Variants in CNTN5 observed in about 807,000 individuals in gnomAD.
CNTN5 encodes the protein contactin 5, also known as contactin-5.
CNTN5 carries 77 observed loss-of-function variants against 129.1 expected under a neutral mutation model. The ratio of observed to expected loss-of-function variants is 0.60; its 90% CI spans 0.50 to 0.72. CNTN5 has a LOEUF of 0.72. CNTN5 is among the 30% of genes least tolerant of loss of function. CNTN5 has a pLI of 0.00. For missense variants in CNTN5, 1,478 were observed against 1,328.8 expected (o/e 1.11, Z -1.75); for synonymous variants, 509 against 465.6 (o/e 1.09, Z -1.20).
At chr11:99,125,706 G>A (rs1218926577) in intron 1 of CNTN5, among the ~76,000 whole-genome samples, 1 of 152,012 alleles carries the variant, frequency 6.6e-6, no homozygotes, top group Admixed American at 6.6e-5. Context: ...TGAAATTTTT[G>A]CTACAAAAAT....
chr11:99,610,242 G>T (rs767155589), intron 3 of CNTN5, among the ~76,000 whole-genome samples: 1 of 152,092 alleles, frequency 6.6e-6, no homozygotes, highest in South Asian at 2.1e-4. Context: ...GACTGTAGGG[G>T]TTCTATTAAT....
At chr11:99,679,620 TC>T (rs1370323702) in intron 3 of CNTN5, among the ~76,000 whole-genome samples, 3 of 152,170 alleles carry the variant, frequency 2.0e-5, no homozygotes, top group Non-Finnish European at 4.4e-5. Context: ...CCTGTCCCTC[TC>T]CCTGTCCTTG....
intron 1 of CNTN5, among the ~76,000 whole-genome samples, chr11:99,047,903 G>T (rs1181146270): frequency 6.6e-6 from 1 of 151,832 alleles, no homozygotes; most frequent in East Asian, 1.9e-4. Flanking sequence ...CAGTTTATGG[G>T]ACTTTTACAT....
chr11:99,667,930 T>C (rs1260196515), intron 3 of CNTN5, among the ~76,000 whole-genome samples: 1 of 145,168 alleles, frequency 6.9e-6, no homozygotes, highest in East Asian at 2.1e-4. Flanking sequence ...ATTCTGCACA[T>C]GTATCCTGAA....
intron 16 of CNTN5, among the ~76,000 whole-genome samples, chr11:100,242,328 T>A (rs1949759105): frequency 6.6e-6 from 1 of 151,924 alleles, no homozygotes; most frequent in Non-Finnish European, 1.5e-5. Flanking sequence ...TTTCACCACT[T>A]TTTTTTCTTC....
At position 99,955,914 on chromosome 11, in the gene CNTN5, A is replaced by G. The variant is rs560283478; in HGVS notation, c.674-892A>G. ...ATTAGCGAAATCTTGCTTAGAATCA[A>G]TGTTCAACTCGTCATTGAAATTTTT... On this transcript the variant is annotated intron_variant, in intron 7 of 24. Transcript: ENST00000524871. Among the ~76,000 whole-genome samples the G allele has an allele frequency of 5.9e-5, 9 of 152,250 alleles. No individual in the cohort carries two copies. In the South Asian group the frequency reaches 1.2e-3, roughly 21 times the overall value.
intron 21 of CNTN5, chr11:100,309,199 T>TG: frequency 1.3e-5 from 13 of 985,046 alleles, no homozygotes; most frequent in Non-Finnish European, 1.4e-5. Flanking sequence ...ACCCAAGACT[T>TG]TAGTTGCATT....
intron 10 of CNTN5, among the ~76,000 whole-genome samples, chr11:100,063,645 G>A (rs888355031): frequency 6.8e-6 from 1 of 147,772 alleles, no homozygotes; most frequent in Non-Finnish European, 1.5e-5. Context: ...GTAACTAGGT[G>A]TAGTGGCTCA....
At chr11:99,838,240 A>G (rs555911557) in intron 4 of CNTN5, among the ~76,000 whole-genome samples, 1 of 152,290 alleles carries the variant, frequency 6.6e-6, no homozygotes, top group East Asian at 1.9e-4. Context: ...GATCCCACAG[A>G]TATTTTTGGA....
intron 3 of CNTN5, among the ~76,000 whole-genome samples, chr11:99,579,388 G>C (rs1281039630): frequency 1.3e-5 from 2 of 151,814 alleles, no homozygotes; most frequent in African/African-American, 4.8e-5. Context: ...TAGCTTGATG[G>C]GGATGGCATT....
intron 2 of CNTN5, among the ~76,000 whole-genome samples, chr11:99,494,073 A>G (rs552495946): frequency 6.6e-6 from 1 of 152,216 alleles, no homozygotes; most frequent in Non-Finnish European, 1.5e-5. Context: ...AAATCTATAG[A>G]GATGCCTCCA....
intron 17 of CNTN5, among the ~76,000 whole-genome samples, chr11:100,258,791 G>A (rs1244922041): frequency 6.6e-6 from 1 of 152,110 alleles, no homozygotes; most frequent in Non-Finnish European, 1.5e-5. Context: ...AGATCCTGAA[G>A]GAAGCACTCA....
chr11:99,387,099 A>G lies in CNTN5; in HGVS notation c.-71+61615A>G, dbSNP rs74361686. Among the ~76,000 whole-genome samples, 197 of 152,266 alleles carry G rather than the reference A, an allele frequency of 1.3e-3. 2 individuals carry two copies. Among genetic ancestry groups the G allele is most frequent in the African/African-American group, 4.5e-3 (188 of 41,554 alleles). On this transcript the variant is annotated intron_variant, in intron 2 of 24. Coordinates refer to ENST00000524871, the MANE Select transcript of CNTN5 (RefSeq NM_014361.4). ...CCATATATTTTCTTTCTAACCGCAT[A>G]TTCTCTCCTCATCTAAGCTCTGAAT...
chr11:99,957,120 G>T (rs1950824414), intron 8 of CNTN5, 111 bp downstream of exon 8: 1 of 952,566 alleles, frequency 1.0e-6, no homozygotes, highest in South Asian at 1.8e-5. Context: ...AAATAAAAAG[G>T]CATTTGCCAT....
At chr11:99,894,038 C>A (rs1565648386) in intron 6 of CNTN5, among the ~76,000 whole-genome samples, 1 of 151,944 alleles carries the variant, frequency 6.6e-6, no homozygotes, top group Non-Finnish European at 1.5e-5. Flanking sequence ...ATCCTTAATG[C>A]CAGCTGGTGG....
chr11:100,275,264 T>C (rs1950484433), intron 18 of CNTN5, among the ~76,000 whole-genome samples: 1 of 152,224 alleles, frequency 6.6e-6, no homozygotes, highest in African/African-American at 2.4e-5. Flanking sequence ...TTTTCATGCA[T>C]CCATAAAACC....
At chr11:99,904,198 T>C (rs181615386) in intron 6 of CNTN5, among the ~76,000 whole-genome samples, 59 of 152,266 alleles carry the variant, frequency 3.9e-4, no homozygotes, top group East Asian at 2.9e-3. Context: ...GTAACATAGG[T>C]ATACACTTGC....
intron 1 of CNTN5, among the ~76,000 whole-genome samples, chr11:99,157,665 C>T (rs11218579): frequency 0.036 from 5,548 of 152,134 alleles, 345 homozygotes; most frequent in African/African-American, 0.12. Context: ...AAAGCAAAAA[C>T]TTCCATGTCT....
At chr11:100,091,481 C>T (rs1944784395) in intron 13 of CNTN5, among the ~76,000 whole-genome samples, 2 of 138,428 alleles carry the variant, frequency 1.4e-5, no homozygotes, top group Admixed American at 7.9e-5. Flanking sequence ...CAGGCTAGAG[C>T]GTACTGGTGT....
Sources: allele counts gnomAD v4.1 joint callset (sites outside exome capture counted in the v4.1 genomes callset), GRCh38; gene constraint gnomAD v4.1.1; transcripts MANE v1.5; gene names NCBI Gene and HGNC (gene_info 2026-07-23, HGNC 2026-07-21).